DNAH9: variants seen among roughly 807,000 people sequenced by gnomAD.
DNAH9 encodes the protein DNAH9 variant protein.
A neutral mutation model predicts 471.6 loss-of-function variants in DNAH9; 345 were observed. The ratio of observed to expected loss-of-function variants is 0.73; its 90% CI spans 0.67 to 0.80. The LOEUF (loss-of-function observed/expected upper bound fraction) is 0.80. Among genes scored for constraint, DNAH9 ranks in the 30% least tolerant of loss-of-function variants. The probability of loss-of-function intolerance (pLI) is 0.00; values close to 1 mark genes in which losing one functional copy is unlikely to be tolerated. For synonymous variants in DNAH9, 2,093 were observed against 2,123.6 expected (o/e 0.99, Z 0.40); for missense variants, 5,407 against 5,609.2 (o/e 0.96, Z 1.15).
chr17:11,935,519 G>A (rs1227964860), intron 65 of DNAH9, among the ~76,000 whole-genome samples: 3 of 151,816 alleles, frequency 2.0e-5, no homozygotes, highest in Non-Finnish European at 4.4e-5. Flanking sequence ...GGGATTACAG[G>A]CGTGCGTCAC....
At chr17:11,810,511 T>C (rs935846820) in intron 45 of DNAH9, 142 bp downstream of exon 45, 3 of 1,050,572 alleles carry the variant, frequency 2.9e-6, no homozygotes, top group South Asian at 1.9e-5. Flanking sequence ...GACTGGTTCA[T>C]TGAGGTCCTT....
In DNAH9 at chr17:11,781,838, AAAAAACAAAC is replaced by A. The variant is rs1177786116; in HGVS notation, c.7718+670_7718+679del. Among the ~76,000 whole-genome samples, 3 of 146,544 alleles carry A rather than the reference AAAAAACAAAC, an allele frequency of 2.0e-5. 1 individual carries two copies. The highest frequency in any genetic ancestry group is 7.8e-5 in the African/African-American group (3 of 38,400). The stretch of plus-strand genomic sequence containing the variant: ...CAGAGCGAGACTCCATCTTAAAAAA[AAAAAACAAAC>A]AAAAAAAAAACTACCAAACACCCGG... On this transcript the variant is annotated intron_variant, in intron 39 of 68. Transcript: ENST00000262442.
At chr17:11,893,124 C>T (rs1481243459) in intron 58 of DNAH9, among the ~76,000 whole-genome samples, 1 of 149,610 alleles carries the variant, frequency 6.7e-6, no homozygotes, top group African/African-American at 2.5e-5. Context: ...CTTTGCCTCA[C>T]CCCTCTCACC....
At chr17:11,655,837 A>G (rs1174620814) in intron 14 of DNAH9, among the ~76,000 whole-genome samples, 1 of 152,040 alleles carries the variant, frequency 6.6e-6, no homozygotes, top group Non-Finnish European at 1.5e-5. Flanking sequence ...CATAAGAATG[A>G]TACAATGGAC....
At chr17:11,598,976 T>C (rs1365062615) in intron 1 of DNAH9, 61 bp downstream of exon 1, 26 of 1,311,168 alleles carry the variant, frequency 2.0e-5, no homozygotes, top group Non-Finnish European at 2.0e-5. Context: ...AGGAGGAGCC[T>C]TAAGGGACGG....
At chr17:11,695,765 C>T (rs1295247912) in intron 22 of DNAH9, among the ~76,000 whole-genome samples, 2 of 152,176 alleles carry the variant, frequency 1.3e-5, no homozygotes, top group Non-Finnish European at 2.9e-5. Context: ...GGAGAATTTG[C>T]ATTTCTAAGA....
At chr17:11,657,491 A>G (rs911610062) in intron 14 of DNAH9, among the ~76,000 whole-genome samples, 2 of 151,992 alleles carry the variant, frequency 1.3e-5, no homozygotes, top group African/African-American at 2.4e-5. Context: ...ATCTTCTCCA[A>G]ATTGGTGGTT....
chr17:11,607,424 A>G (rs541605619), intron 1 of DNAH9, among the ~76,000 whole-genome samples: 25 of 152,206 alleles, frequency 1.6e-4, no homozygotes, highest in Non-Finnish European at 3.5e-4. Flanking sequence ...AATAGTATCA[A>G]GAAGGTGTAG....
In DNAH9 at chr17:11,704,204, T is replaced by C. The variant is rs770589983; in HGVS notation, c.5153T>C (p.Val1718Ala). The C allele has an allele frequency of 1.2e-6, 2 of 1,614,038 alleles. No individual in the cohort carries two copies. Among genetic ancestry groups the C allele is most frequent in the Admixed American group, 3.3e-5 (2 of 60,000 alleles). ...EQWLFDHPAQVALTCTQIWWT... is the reference protein window; with the variant it reads ...EQWLFDHPAQAALTCTQIWWT... ...ACTAGGCAACTCTTGCTGCCACAGG[T>C]GGCCCTGACCTGTACTCAGATCTGG... Residue 1718 changes from valine (V) to alanine (A), a missense_variant and splice_region_variant, in exon 25 of 69, where the codon GTG becomes GCG. This residue lies in a region of DNAH9 where 4,636 missense variants were observed against 4,900.3 expected (regional missense o/e 0.95). Coordinates refer to ENST00000262442, the MANE Select transcript of DNAH9 (RefSeq NM_001372.4).
At position 11,669,524 on chromosome 17, in the gene DNAH9, T is replaced by G; in HGVS notation, c.3083T>G (p.Phe1028Cys). ...VEDRKEVLGQ[F>C]LLYGHILTPE... ...GACCGGAAGGAGGTTCTGGGTCAGTTTCTGCTGTACGGGCACATCCTCACT... is the reference window on the plus strand; with the variant it reads ...GACCGGAAGGAGGTTCTGGGTCAGTGTCTGCTGTACGGGCACATCCTCACT... The change falls in exon 17 of 69, where the codon TTT becomes TGT. Residue 1028 changes from phenylalanine (F) to cysteine (C), a missense_variant. Physicochemically the swap from Phe to Cys is radical, Grantham distance 205 (BLOSUM62 -2). Transcript: ENST00000262442. 1 of 1,614,130 alleles carries G rather than the reference T, an allele frequency of 6.2e-7. No homozygotes were observed. Among genetic ancestry groups the G allele is most frequent in the Non-Finnish European group, 8.5e-7 (1 of 1,180,032 alleles).
chr17:11,911,213 G>A (rs1221518170), intron 61 of DNAH9, among the ~76,000 whole-genome samples: 1 of 152,098 alleles, frequency 6.6e-6, no homozygotes, highest in Non-Finnish European at 1.5e-5. Context: ...TAATGTTTCT[G>A]TATGTAAGGA....
chr17:11,810,083 G>A (rs1478680283), intron 44 of DNAH9, among the ~76,000 whole-genome samples, 163 bp from the exon 45 acceptor site: 1 of 152,068 alleles, frequency 6.6e-6, no homozygotes, highest in Non-Finnish European at 1.5e-5. Context: ...ATAGTTTCCT[G>A]CCTGTCAGTG....
chr17:11,819,419 C>T (rs1443301074), intron 45 of DNAH9, among the ~76,000 whole-genome samples: 1 of 152,004 alleles, frequency 6.6e-6, no homozygotes, highest in African/African-American at 2.4e-5. Context: ...CCTTGTCTGC[C>T]TCCTGATTTT....
intron 22 of DNAH9, among the ~76,000 whole-genome samples, chr17:11,697,087 C>T (rs2150765799): frequency 6.6e-6 from 1 of 152,216 alleles, no homozygotes; most frequent in Middle Eastern, 3.4e-3. Context: ...GAACTCCTGG[C>T]TTCAAGTGAT....
chr17:11,762,770 G>GTTGTTGTTTTTTTTTTTTTTTTTTTTTT (rs1967746481), intron 35 of DNAH9, among the ~76,000 whole-genome samples: 1 of 90,744 alleles, frequency 1.1e-5, no homozygotes. Flanking sequence ...TTTTTTTTTT[G>GTTGTTGTTTTTTTTTTTTTTTTTTTTTT]TTTTTTTTTT....
Position 11,942,422 on chromosome 17 carries a change from C to T in DNAH9, c.12780C>T (p.Gly4260=). 2 of 1,614,150 alleles carry T rather than the reference C, an allele frequency of 1.2e-6. No homozygotes were observed. The highest frequency in any genetic ancestry group is 8.5e-7 in the Non-Finnish European group (1 of 1,180,044). The change falls in exon 67 of 69, where the codon GGC becomes GGT. Residue 4260 remains glycine, a synonymous_variant. Transcript: ENST00000262442. ...TTGTAGTTGCCTTCCAGGAGTGTGGCCGGATGAATATCCTCACCAGAGAGA... is the reference window on the plus strand; with the variant it reads ...TTGTAGTTGCCTTCCAGGAGTGTGGTCGGATGAATATCCTCACCAGAGAGA... ...PYIVVAFQEC[G]RMNILTREIQ... is the part of the protein sequence containing the mutation.
intron 63 of DNAH9, among the ~76,000 whole-genome samples, chr17:11,930,748 G>C (rs1974479892): frequency 8.2e-6 from 1 of 122,614 alleles, no homozygotes; most frequent in Non-Finnish European, 1.6e-5. Flanking sequence ...CTGGGCGACA[G>C]AGTGAGACTC....
chr17:11,702,317 GA>G (rs1364969192), intron 24 of DNAH9, among the ~76,000 whole-genome samples: 3 of 152,204 alleles, frequency 2.0e-5, no homozygotes, highest in African/African-American at 4.8e-5. Context: ...AGCATAATAA[GA>G]GAGAAGCCAG....
At chr17:11,762,770 G>GTTGTTTGT (rs1967746481) in intron 35 of DNAH9, among the ~76,000 whole-genome samples, 5 of 90,744 alleles carry the variant, frequency 5.5e-5, no homozygotes, top group Non-Finnish European at 1.1e-4. Context: ...TTTTTTTTTT[G>GTTGTTTGT]TTTTTTTTTT....
Sources: allele counts gnomAD v4.1 joint callset (sites outside exome capture counted in the v4.1 genomes callset), GRCh38; gene constraint gnomAD v4.1.1; regional missense constraint gnomAD v4.1.1; transcripts MANE v1.5; gene names NCBI Gene and HGNC (gene_info 2026-07-23, HGNC 2026-07-21).